ARHGAP22: variants seen among roughly 807,000 people sequenced by gnomAD.
ARHGAP22 encodes Rho GTPase activating protein 22.
ARHGAP22 carries 48 observed loss-of-function variants against 59.1 expected under a neutral mutation model. The observed-to-expected ratio is 0.81, with a 90% CI of 0.64 to 1.03. ARHGAP22 has a LOEUF of 1.03. Among genes scored for constraint, ARHGAP22 ranks in the 50% least tolerant of loss-of-function variants. The probability of loss-of-function intolerance (pLI) is 0.00; values close to 1 mark genes in which losing one functional copy is unlikely to be tolerated. For synonymous variants in ARHGAP22, 445 were observed against 416.4 expected, an observed-to-expected ratio of 1.07 and a Z score of -0.84; for missense variants, 1,015 against 958.7, an observed-to-expected ratio of 1.06 and a Z score of -0.78.
At chr10:48,626,505 A>G (rs1335925951) in intron 1 of ARHGAP22, among the ~76,000 whole-genome samples, 1 of 152,218 alleles carries the variant, frequency 6.6e-6, no homozygotes, top group Non-Finnish European at 1.5e-5. Context: ...TTGCCTTCAG[A>G]ATTGAAGCTC....
chr10:48,452,937 T>C (rs527696541), intron 8 of ARHGAP22, among the ~76,000 whole-genome samples: 10 of 152,352 alleles, frequency 6.6e-5, no homozygotes, highest in Non-Finnish European at 1.3e-4. Context: ...CAGGAACCTA[T>C]GACAATTGCT....
intron 1 of ARHGAP22, among the ~76,000 whole-genome samples, chr10:48,643,752 T>G (rs1464212033): frequency 7.1e-6 from 1 of 141,234 alleles, no homozygotes; most frequent in Non-Finnish European, 1.5e-5. Flanking sequence ...AAAGTATAAT[T>G]AAAAAAAAAA....
intron 1 of ARHGAP22, among the ~76,000 whole-genome samples, chr10:48,635,834 A>C (rs1056320681): frequency 6.6e-6 from 1 of 152,126 alleles, no homozygotes. Flanking sequence ...ATAAACTTAG[A>C]CTACTTCCTG....
intron 2 of ARHGAP22, among the ~76,000 whole-genome samples, chr10:48,581,648 T>G (rs1394411254): frequency 6.6e-6 from 1 of 152,280 alleles, no homozygotes; most frequent in African/African-American, 2.4e-5. Context: ...AATTTATTTT[T>G]ATTGTGGTAA....
chr10:48,624,758 C>A (rs963927188), intron 1 of ARHGAP22, among the ~76,000 whole-genome samples: 2 of 152,224 alleles, frequency 1.3e-5, no homozygotes, highest in African/African-American at 4.8e-5. Flanking sequence ...ACGAGGAAAG[C>A]AGCACAGGTT....
chr10:48,524,527 G>A (rs1003973783), intron 3 of ARHGAP22, among the ~76,000 whole-genome samples: 1 of 152,040 alleles, frequency 6.6e-6, no homozygotes, highest in Non-Finnish European at 1.5e-5. Context: ...GGGGTGGGGG[G>A]CCACACCGGC....
chr10:48,641,819 A>G (rs913576075), intron 1 of ARHGAP22, among the ~76,000 whole-genome samples: 6 of 152,222 alleles, frequency 3.9e-5, no homozygotes, highest in Non-Finnish European at 8.8e-5. Context: ...CTGTTTGCAG[A>G]TGACATGATT....
intron 2 of ARHGAP22, among the ~76,000 whole-genome samples, chr10:48,567,116 C>T (rs918746193): frequency 6.6e-6 from 1 of 152,216 alleles, no homozygotes; most frequent in Non-Finnish European, 1.5e-5. Flanking sequence ...AAGCCAGGAC[C>T]TTGCACTAGA....
At chr10:48,612,853 A>G (rs944124652) in intron 1 of ARHGAP22, among the ~76,000 whole-genome samples, 1 of 151,868 alleles carries the variant, frequency 6.6e-6, no homozygotes, top group Non-Finnish European at 1.5e-5. Flanking sequence ...CCACTTTTCC[A>G]TTCTCTCACT....
rs533784323 is a variant in ARHGAP22 at position 48,526,352 on chromosome 10, GA to G, written c.322+29110del. On this transcript the variant is annotated intron_variant, in intron 3 of 9. Coordinates refer to ENST00000249601, the MANE Select transcript of ARHGAP22 (RefSeq NM_021226.4). ...TCCCTCCCTCTCCTTTAACTCCTCA[GA>G]AAGACCAGGGTGAGGCTTCGGGGAG... Among the ~76,000 whole-genome samples, 1,227 of 140,056 alleles carry G rather than the reference GA, an allele frequency of 8.8e-3. 6 individuals carry two copies. The highest frequency in any genetic ancestry group is 0.01 in the Non-Finnish European group (609 of 59,590). 91.9% of individuals were successfully genotyped at this position (140,056 alleles called of 152,430 possible).
At chr10:48,544,174 G>A (rs998705668) in intron 3 of ARHGAP22, among the ~76,000 whole-genome samples, 2 of 151,962 alleles carry the variant, frequency 1.3e-5, no homozygotes, top group Admixed American at 6.6e-5. Context: ...CTGTCCTGCC[G>A]TCTGCATATC....
chr10:48,651,434 G>C (rs903752193), intron 1 of ARHGAP22, among the ~76,000 whole-genome samples: 1 of 151,296 alleles, frequency 6.6e-6, no homozygotes, highest in African/African-American at 2.4e-5. Context: ...GCCAGCACCT[G>C]CACAATCCAC....
chr10:48,467,954 C>G (rs1201462299), intron 4 of ARHGAP22, among the ~76,000 whole-genome samples: 1 of 152,164 alleles, frequency 6.6e-6, no homozygotes, highest in Non-Finnish European at 1.5e-5. Context: ...TAGGGTGAAA[C>G]AAGCCAGGCA....
chr10:48,606,738 C>T (rs554578682), upstream of ARHGAP22, among the ~76,000 whole-genome samples: 77 of 152,298 alleles, frequency 5.1e-4, no homozygotes, highest in African/African-American at 1.7e-3. Flanking sequence ...GAATGCCCTT[C>T]CTCACATTGC....
At chr10:48,539,291 A>ATTTTTTTTTTTTTTTT (rs56801787) in intron 3 of ARHGAP22, among the ~76,000 whole-genome samples, 4 of 136,262 alleles carry the variant, frequency 2.9e-5, no homozygotes, top group African/African-American at 8.5e-5. Flanking sequence ...GAAGGGTAAC[A>ATTTTTTTTTTTTTTTT]TTTTTTTTTT....
At chr10:48,545,847 C>A (rs1334280589) in intron 3 of ARHGAP22, among the ~76,000 whole-genome samples, 1 of 152,170 alleles carries the variant, frequency 6.6e-6, no homozygotes, top group Non-Finnish European at 1.5e-5. Context: ...GAACTGGCTC[C>A]CTCTGGACAA....
intron 2 of ARHGAP22, among the ~76,000 whole-genome samples, chr10:48,573,835 A>G (rs370465628): frequency 6.6e-6 from 1 of 152,222 alleles, no homozygotes; most frequent in South Asian, 2.1e-4. Context: ...GGTGGTATAA[A>G]TGGGACTTGA....
intron 3 of ARHGAP22, among the ~76,000 whole-genome samples, chr10:48,535,821 G>T (rs1045874849): frequency 2.0e-5 from 3 of 152,186 alleles, no homozygotes; most frequent in African/African-American, 4.8e-5. Context: ...GGCCCTGAGG[G>T]TTGTCAGCAT....
At chr10:48,647,828 C>T (rs1329468211) in intron 1 of ARHGAP22, among the ~76,000 whole-genome samples, 1 of 152,310 alleles carries the variant, frequency 6.6e-6, no homozygotes, top group East Asian at 1.9e-4. Context: ...CAATGTGCAT[C>T]CCTACAAGGG....
Sources: gnomAD v4.1 joint callset for allele counts (sites outside exome capture counted in the v4.1 genomes callset) on GRCh38, gnomAD v4.1.1 for gene constraint, MANE v1.5 for transcripts, NCBI Gene and HGNC (gene_info 2026-07-23, HGNC 2026-07-21) for gene names.